CNOT6L: variants seen among roughly 807,000 people sequenced by gnomAD.
CNOT6L encodes the protein CCR4-NOT transcription complex subunit 6-like.
Under a neutral mutation model 64.0 loss-of-function variants are expected in CNOT6L, and 7 were observed. That is an observed-to-expected ratio of 0.11 (90% CI 0.06 to 0.21). The LOEUF (loss-of-function observed/expected upper bound fraction) is 0.21, where lower values mean the gene tolerates loss of function less well. CNOT6L is among the 10% of genes least tolerant of loss of function. The pLI is 1.00. For missense variants in CNOT6L, 245 were observed against 669.0 expected (o/e 0.37, Z 6.99); for synonymous variants, 193 against 243.4 (o/e 0.79, Z 1.93).
intron 8 of CNOT6L, 66 bp downstream of exon 8, chr4:77,742,075 C>T (rs1038177955): frequency 1.1e-5 from 16 of 1,439,400 alleles, no homozygotes; most frequent in South Asian, 9.7e-5. Context: ...AAACCAAAGA[C>T]AATTTTAAAG....
intron 8 of CNOT6L, among the ~76,000 whole-genome samples, chr4:77,741,653 A>G (rs1288992625): frequency 6.6e-6 from 1 of 152,196 alleles, no homozygotes; most frequent in East Asian, 1.9e-4. Context: ...ATTAGGAACT[A>G]TGTCTTGACT....
At chr4:77,735,193 G>A (rs1722820126) in intron 8 of CNOT6L, among the ~76,000 whole-genome samples, 1 of 152,146 alleles carries the variant, frequency 6.6e-6, no homozygotes, top group Non-Finnish European at 1.5e-5. Flanking sequence ...TCCCTGTTGA[G>A]TCACCTGAGG....
intron 1 of CNOT6L, among the ~76,000 whole-genome samples, chr4:77,805,076 T>A (rs577560406): frequency 1.3e-5 from 2 of 152,076 alleles, no homozygotes; most frequent in Non-Finnish European, 2.9e-5. Flanking sequence ...ATTTTTCATA[T>A]ACATGGCAGG....
chr4:77,737,307 A>T (rs1346842523), intron 8 of CNOT6L, among the ~76,000 whole-genome samples: 1 of 152,076 alleles, frequency 6.6e-6, no homozygotes, highest in Non-Finnish European at 1.5e-5. Flanking sequence ...CCCTTTAAGT[A>T]ATCATGGGAG....
intron 4 of CNOT6L, among the ~76,000 whole-genome samples, chr4:77,759,963 A>G (rs1383455652): frequency 6.6e-6 from 1 of 152,236 alleles, no homozygotes; most frequent in Non-Finnish European, 1.5e-5. Flanking sequence ...GTTATGGCCT[A>G]ATAAAACTAG....
intron 3 of CNOT6L, 122 bp downstream of exon 3, chr4:77,774,408 A>T: frequency 1.3e-6 from 1 of 772,588 alleles, no homozygotes; most frequent in Non-Finnish European, 2.0e-6. Flanking sequence ...CACTATGCTT[A>T]GACAGTTTAT....
rs374248538 is a variant in CNOT6L at position 77,774,738 on chromosome 4, T to C, written c.128-22A>G. The C allele has an allele frequency of 1.2e-5, 18 of 1,478,430 alleles. No homozygotes were observed. In the Admixed American group the frequency reaches 1.6e-4, roughly 13 times the overall value. The allele number at this position is 1,478,430 out of a possible 1,614,324, so 91.6% of individuals were successfully genotyped here. On this transcript the variant is annotated intron_variant, in intron 2 of 11. Transcript: ENST00000504123. ...CTACCTAAAAGGCAAAATACTGAAG[T>C]GTAAAAAAAAACCCCAGGCCCAAGA...
intron 6 of CNOT6L, among the ~76,000 whole-genome samples, chr4:77,747,324 G>A (rs780614451): frequency 2.6e-5 from 4 of 151,938 alleles, no homozygotes; most frequent in African/African-American, 4.8e-5. Context: ...GCGCTACCAC[G>A]ACCTGGCTAA....
chr4:77,714,536 CAA>C lies in CNOT6L; in HGVS notation c.*5893_*5894del, dbSNP rs1465924069. On this transcript the variant is annotated 3_prime_UTR_variant, in exon 12 of 12. Transcript: ENST00000504123. ...CCAAAGATGAAACATTCAACCTTCT[CAA>C]AATATTCCAAGTAGTTCTATTGAAC... 1.3e-5 allele frequency: 2 copies of C among 148,554 alleles called. No homozygotes were observed. Among genetic ancestry groups the C allele is most frequent in the African/African-American group, 5.0e-5 (2 of 39,968 alleles). 9.2% of individuals were successfully genotyped at this position (148,554 alleles called of 1,614,324 possible).
At chr4:77,736,446 A>G (rs968575335) in intron 8 of CNOT6L, among the ~76,000 whole-genome samples, 8 of 152,232 alleles carry the variant, frequency 5.3e-5, no homozygotes, top group African/African-American at 1.9e-4. Context: ...ATAGTAAGAT[A>G]TAATTACCCA....
At chr4:77,814,340 T>C (rs1702926720) in intron 1 of CNOT6L, among the ~76,000 whole-genome samples, 1 of 152,176 alleles carries the variant, frequency 6.6e-6, no homozygotes, top group Non-Finnish European at 1.5e-5. Context: ...TACTGAGTTG[T>C]ACAATTTAAA....
chr4:77,811,727 AACAC>A (rs753667008), intron 1 of CNOT6L, among the ~76,000 whole-genome samples: 3 of 152,000 alleles, frequency 2.0e-5, no homozygotes, highest in African/African-American at 4.8e-5. Flanking sequence ...CTCTCTCACA[AACAC>A]ACACACTCAC....
In CNOT6L at chr4:77,800,358, T is replaced by A. The variant is rs1731385758; in HGVS notation, c.5+18946A>T. The stretch of plus-strand genomic sequence containing the variant: ...CTCTACCAAAAAAAATTTTTTTTTT[T>A]AAAGTAGCCAGGCACAGTAGCATGT... On this transcript the variant is annotated intron_variant, in intron 1 of 11. Transcript: ENST00000504123. Among the ~76,000 whole-genome samples, 4 of 151,622 alleles carry A rather than the reference T, an allele frequency of 2.6e-5. 1 individual carries two copies. The highest frequency in any genetic ancestry group is 2.6e-4 in the Admixed American group (4 of 15,198).
intron 5 of CNOT6L, among the ~76,000 whole-genome samples, chr4:77,753,272 T>C (rs1386993988): frequency 1.3e-5 from 2 of 150,580 alleles, no homozygotes; most frequent in African/African-American, 2.4e-5. Flanking sequence ...AAGGAAATAC[T>C]TAAATAAATT....
chr4:77,805,622 G>C (rs1732127478), intron 1 of CNOT6L, among the ~76,000 whole-genome samples: 1 of 152,098 alleles, frequency 6.6e-6, no homozygotes, highest in Admixed American at 6.6e-5. Flanking sequence ...GTAGCTATTA[G>C]ACTCATTGCA....
rs373562459 is a variant in CNOT6L at position 77,812,437 on chromosome 4, C to CAAAA, written c.5+6863_5+6866dup. Among the ~76,000 whole-genome samples the CAAAA allele has an allele frequency of 1.9e-3, 245 of 126,540 alleles. 1 individual carries two copies. Among genetic ancestry groups the CAAAA allele is most frequent in the African/African-American group, 6.7e-3 (226 of 33,786 alleles). The allele number at this position is 126,540 out of a possible 152,430, so 83.0% of individuals were successfully genotyped here. A position where few individuals can be genotyped will look rare whatever the true frequency, so the allele number is the denominator to read the frequency against. On this transcript the variant is annotated intron_variant, in intron 1 of 11. Transcript: ENST00000504123. ...TGGGCGACAGAGTGAGACTCCATCTCAAAAAAAAAAGAAAAAAAAAACTAT... is the reference window on the plus strand; with the variant it reads ...TGGGCGACAGAGTGAGACTCCATCTCAAAAAAAAAAAAAAGAAAAAAAAAACTAT...
intron 1 of CNOT6L, among the ~76,000 whole-genome samples, chr4:77,781,322 A>T (rs571829967): frequency 2.4e-4 from 36 of 152,330 alleles, no homozygotes; most frequent in African/African-American, 8.2e-4. Flanking sequence ...TGTTCTGTAC[A>T]TGTATCCCAG....
upstream of CNOT6L, among the ~76,000 whole-genome samples, chr4:77,819,850 G>A (rs918285132): frequency 1.3e-5 from 2 of 151,544 alleles, no homozygotes; most frequent in South Asian, 2.1e-4. Context: ...ACAGACCGGG[G>A]GTCGGGAAGG....
rs78461822 is a variant in CNOT6L at position 77,809,866 on chromosome 4, A to G, written c.5+9438T>C. Among the ~76,000 whole-genome samples the G allele has an allele frequency of 7.9e-4, 120 of 152,266 alleles. No homozygotes were observed. The East Asian group carries it at 0.017, about 21-fold the overall frequency. On this transcript the variant is annotated intron_variant, in intron 1 of 11. Coordinates refer to ENST00000504123, the MANE Select transcript of CNOT6L (RefSeq NM_144571.3). ...TGCAAAAGATGAATATAAGGAACAT[A>G]AAGTGTTTTAATCTCTATTTTGTGT...
Sources: gnomAD v4.1 joint callset for allele counts (sites outside exome capture counted in the v4.1 genomes callset) on GRCh38, gnomAD v4.1.1 for gene constraint, MANE v1.5 for transcripts, NCBI Gene and HGNC (gene_info 2026-07-23, HGNC 2026-07-21) for gene names.